Variants in FANCA observed in about 807,000 individuals in gnomAD.
FANCA encodes the protein FA complementation group A.
Under a neutral mutation model 194.3 loss-of-function variants are expected in FANCA, and 236 were observed. The ratio of observed to expected loss-of-function variants is 1.21; its 90% CI spans 1.09 to 1.35. FANCA has a LOEUF of 1.35. FANCA is among the 40% of genes most tolerant of loss of function. The probability of loss-of-function intolerance (pLI) is 0.00; values close to 1 mark genes in which losing one functional copy is unlikely to be tolerated. For synonymous variants in FANCA, 1,014 were observed against 715.8 expected (o/e 1.42, Z -6.65); for missense variants, 2,628 against 1,813.9 (o/e 1.45, Z -8.15).
intron 12 of FANCA, 33 bp downstream of exon 12, chr16:89,792,438 C>T (rs376739506): frequency 6.2e-7 from 1 of 1,604,268 alleles, no homozygotes; most frequent in Admixed American, 1.7e-5. Context: ...CCGCCACGAG[C>T]TCAGAAGCAG....
intron 14 of FANCA, among the ~76,000 whole-genome samples, chr16:89,786,518 T>C (rs1376740103): frequency 6.6e-6 from 1 of 152,190 alleles, no homozygotes; most frequent in Non-Finnish European, 1.5e-5. Flanking sequence ...GGTTTTGCCA[T>C]GTTGGCCAGG....
rs183527909 is a variant in FANCA, at chr16:89,763,586, C to G, written c.2778+1304G>C. Among the ~76,000 whole-genome samples, 17 of 152,272 alleles carry G rather than the reference C, an allele frequency of 1.1e-4. No individual in the cohort carries two copies. The East Asian group carries it at 3.3e-3, about 29-fold the overall frequency. On this transcript the variant is annotated intron_variant, in intron 28 of 42. Transcript: ENST00000389301. ...ATGCCAGCTCCAGTAACCAGGCACA[C>G]ATGGGTGAGCCCAGAGACCCTGAGT...
chr16:89,750,038 T>C (rs532833792), intron 31 of FANCA, 136 bp from the exon 32 acceptor site: 11 of 879,390 alleles, frequency 1.3e-5, no homozygotes, highest in Non-Finnish European at 2.0e-5. Context: ...GCAAGCTATT[T>C]CAATTGGAAA....
In FANCA at chr16:89,758,581, G is replaced by C. The variant is rs140823801; in HGVS notation, c.2977C>G (p.Gln993Glu). 3.1e-6 allele frequency: 5 copies of C among 1,613,408 alleles called. No homozygotes were observed. Among genetic ancestry groups the C allele is most frequent in the Non-Finnish European group, 3.4e-6 (4 of 1,179,618 alleles). Residue 993 changes from glutamine (Q) to glutamate (E), a missense_variant, in exon 30 of 43, where the codon CAA (glutamine) becomes GAA (glutamate). Coordinates refer to ENST00000389301, the MANE Select transcript of FANCA (RefSeq NM_000135.4). ...ILVNALMDFH[Q>E]SSRSYDHSEN... ...AATACAGTGTGTGCTGCTAACCTTT[G>C]GTGGAAATCCATCAGTGCGTTGACA...
rs975923448 is a variant in FANCA at position 89,738,326 on chromosome 16, C to T, written c.*275G>A. 2 of 1,510,806 alleles carry T rather than the reference C, an allele frequency of 1.3e-6. No homozygotes were observed. The highest frequency in any genetic ancestry group is 1.4e-5 in the African/African-American group (1 of 72,574). The allele number at this position is 1,510,806 out of a possible 1,614,324, so 93.6% of individuals were successfully genotyped here. A position where few individuals can be genotyped will look rare whatever the true frequency, so the allele number is the denominator to read the frequency against. On this transcript the variant is annotated 3_prime_UTR_variant, in exon 43 of 43. Transcript: ENST00000389301. ...CAGCCTCACCCTTCGTGTGCACCCGCATGGGAGGGTCGGAGGGTGCTGCCC... is the reference window on the plus strand; with the variant it reads ...CAGCCTCACCCTTCGTGTGCACCCGTATGGGAGGGTCGGAGGGTGCTGCCC...
intron 17 of FANCA, among the ~76,000 whole-genome samples, chr16:89,782,235 G>A (rs1173235603): frequency 6.6e-6 from 1 of 152,056 alleles, no homozygotes; most frequent in Non-Finnish European, 1.5e-5. Flanking sequence ...AAATTAGCCA[G>A]GCGTGGTGGC....
In FANCA at chr16:89,744,955, G is replaced by T; in HGVS notation, c.3626+4C>A. 1.9e-6 allele frequency: 3 copies of T among 1,611,118 alleles called. No homozygotes were observed. Among genetic ancestry groups the T allele is most frequent in the Non-Finnish European group, 2.5e-6 (3 of 1,179,518 alleles). On this transcript the variant is annotated splice_donor_region_variant and intron_variant, in intron 36 of 42. Transcript: ENST00000389301. ...GCACACCCCATCTCACCACCCACACGTACTCGCTGGCAAACTGCCGGCCTT... is the reference window on the plus strand; with the variant it reads ...GCACACCCCATCTCACCACCCACACTTACTCGCTGGCAAACTGCCGGCCTT...
At chr16:89,792,899 G>C (rs903748962) in intron 11 of FANCA, among the ~76,000 whole-genome samples, 4 of 152,166 alleles carry the variant, frequency 2.6e-5, no homozygotes, top group Non-Finnish European at 5.9e-5. Flanking sequence ...GAGGCAGAGA[G>C]GGAGAGGAGA....
intron 30 of FANCA, among the ~76,000 whole-genome samples, chr16:89,752,893 T>G (rs1266132038): frequency 6.6e-6 from 1 of 151,854 alleles, no homozygotes; most frequent in African/African-American, 2.4e-5. Context: ...AGTCTCCCTT[T>G]CCCCCGGGGA....
chr16:89,776,758 A>C (rs910355245), intron 20 of FANCA, among the ~76,000 whole-genome samples: 3 of 151,938 alleles, frequency 2.0e-5, no homozygotes, highest in Non-Finnish European at 1.5e-5. Context: ...ATGAACCCAG[A>C]AGGTGGAGCT....
At chr16:89,761,551 A>ATTG (rs2038954851) in intron 29 of FANCA, among the ~76,000 whole-genome samples, 2 of 152,206 alleles carry the variant, frequency 1.3e-5, no homozygotes, top group Non-Finnish European at 2.9e-5. Flanking sequence ...AGGTAAACCA[A>ATTG]ACATTAAATT....
At chr16:89,744,715 G>T in intron 36 of FANCA, 1 of 543,424 alleles carries the variant, frequency 1.8e-6, no homozygotes, top group Non-Finnish European at 3.4e-6. Context: ...ATTGGCCGTT[G>T]GAGTGATCTC....
chr16:89,806,927 C>A (rs1187591838), intron 6 of FANCA, among the ~76,000 whole-genome samples: 2 of 152,130 alleles, frequency 1.3e-5, no homozygotes, highest in African/African-American at 2.4e-5. Flanking sequence ...TATGGGCGGC[C>A]GGGCAGAGGC....
chr16:89,803,175 A>G, intron 8 of FANCA, 84 bp downstream of exon 8: 1 of 1,289,264 alleles, frequency 7.8e-7, no homozygotes, highest in Non-Finnish European at 1.1e-6. Flanking sequence ...GCACGTTTCA[A>G]TAGAGAGACA....
chr16:89,791,153 A>C, intron 14 of FANCA: 1 of 558,436 alleles, frequency 1.8e-6, no homozygotes, highest in Non-Finnish European at 3.2e-6. Flanking sequence ...AACCAGGGGA[A>C]GGAGCTGAGG....
chr16:89,778,690 C>T (rs1308597510), intron 20 of FANCA, 111 bp downstream of exon 20: 1 of 752,166 alleles, frequency 1.3e-6, no homozygotes, highest in Admixed American at 2.1e-5. Flanking sequence ...AATATTTTAC[C>T]AATAAAACAC....
chr16:89,770,107 T>C lies in FANCA; in HGVS notation c.2316+59A>G, dbSNP rs766424960. The stretch of plus-strand genomic sequence containing the variant: ...AGGGCACTGAAGACGAATTGAGAAG[T>C]AGCAGCCTGGCCCTCAGAGTGGGCC... On this transcript the variant is annotated intron_variant, in intron 25 of 42. Coordinates refer to ENST00000389301, the MANE Select transcript of FANCA (RefSeq NM_000135.4). 4.5e-6 allele frequency: 7 copies of C among 1,572,802 alleles called. No homozygotes were observed. In the South Asian group the frequency reaches 8.1e-5, roughly 18 times the overall value.
At chr16:89,746,549 CCAAAA>C (rs2038396421) in intron 35 of FANCA, 30 bp downstream of exon 35, 1 of 1,584,108 alleles carries the variant, frequency 6.3e-7, no homozygotes, top group Non-Finnish European at 8.7e-7. Context: ...CCACTCATCC[CCAAAA>C]CAAAACACCA....
chr16:89,745,194 C>T, intron 35 of FANCA, 123 bp from the exon 36 acceptor site: 3 of 896,558 alleles, frequency 3.3e-6, no homozygotes, highest in Non-Finnish European at 5.3e-6. Context: ...GCCCTGCGCT[C>T]TGGAACTCCA....
Sources: allele counts gnomAD v4.1 joint callset (sites outside exome capture counted in the v4.1 genomes callset), GRCh38; gene constraint gnomAD v4.1.1; transcripts MANE v1.5; gene names NCBI Gene and HGNC (gene_info 2026-07-23, HGNC 2026-07-21).